ZBTB10: variants seen among roughly 807,000 people sequenced by gnomAD.
ZBTB10 encodes zinc finger and BTB domain containing 10, also known as zinc finger and BTB domain-containing protein 10.
Under a neutral mutation model 76.4 loss-of-function variants are expected in ZBTB10, and 32 were observed. The observed-to-expected ratio is 0.42, with a 90% CI of 0.32 to 0.56. ZBTB10 has a LOEUF of 0.56. ZBTB10 is among the 20% of genes least tolerant of loss of function. The pLI is 0.14. For missense variants in ZBTB10, 1,057 were observed against 1,098.5 expected (o/e 0.96, Z 0.53); for synonymous variants, 523 against 432.9 (o/e 1.21, Z -2.58).
chr8:80,485,948 G>A, upstream of ZBTB10: 1 of 1,484,308 alleles, frequency 6.7e-7, no homozygotes, highest in African/African-American at 1.4e-5. Flanking sequence ...CCTCCGCGTA[G>A]CCCGGCCCCG....
chr8:80,487,052 C>A lies in ZBTB10; in HGVS notation c.242C>A (p.Ala81Asp), dbSNP rs542715037. Residue 81 changes from alanine to aspartate, a missense_variant, in exon 1 of 6, where the codon GCC becomes GAC. Transcript: ENST00000455036. ...GLEPQDLEAS[A>D]GPAAGAAEEA... ...GAGCCCCAAGACCTGGAGGCCTCCG[C>A]CGGGCCGGCCGCCGGCGCCGCCGAG... 94 of 1,516,956 alleles carry A rather than the reference C, an allele frequency of 6.2e-5. No homozygotes were observed. Among genetic ancestry groups the A allele is most frequent in the Non-Finnish European group, 8.0e-5 (91 of 1,139,434 alleles). The allele number at this position is 1,516,956 out of a possible 1,614,324, so 94.0% of individuals were successfully genotyped here.
At chr8:80,491,544 T>C (rs2131473469) in intron 1 of ZBTB10, among the ~76,000 whole-genome samples, 1 of 152,368 alleles carries the variant, frequency 6.6e-6, no homozygotes, top group South Asian at 2.1e-4. Flanking sequence ...CCTTGGTTAT[T>C]GTGGACTGTT....
intron 2 of ZBTB10, among the ~76,000 whole-genome samples, chr8:80,502,262 G>C (rs1443119691): frequency 6.6e-6 from 1 of 152,138 alleles, no homozygotes; most frequent in South Asian, 2.1e-4. Context: ...TTTAAACGGA[G>C]TCTCACTCTG....
In ZBTB10 at chr8:80,500,689, C is replaced by T. The variant is rs563939261; in HGVS notation, c.1861+307C>T. On this transcript the variant is annotated intron_variant, in intron 2 of 5. Coordinates refer to ENST00000455036, the MANE Select transcript of ZBTB10 (RefSeq NM_001105539.3). ...TTTCCTCATTTTTAGCCTCTGTGCT[C>T]ACTATTTTATACCCAGTGTTGGGAA... Among the ~76,000 whole-genome samples, 188 of 152,250 alleles carry T rather than the reference C, an allele frequency of 1.2e-3. 1 individual carries two copies. The highest frequency in any genetic ancestry group is 4.2e-3 in the African/African-American group (174 of 41,552).
chr8:80,504,012 G>A (rs949604355), intron 2 of ZBTB10, among the ~76,000 whole-genome samples: 3 of 152,166 alleles, frequency 2.0e-5, no homozygotes, highest in African/African-American at 4.8e-5. Context: ...GTTTACCAAC[G>A]TTAAGGCCTT....
intron 3 of ZBTB10, among the ~76,000 whole-genome samples, chr8:80,517,932 G>A (rs368831591): frequency 2.9e-5 from 4 of 137,968 alleles, no homozygotes; most frequent in East Asian, 2.2e-4. Context: ...TGGCTGGAGT[G>A]CAGTGGCGCA....
chr8:80,513,296 C>T (rs1292082412), intron 2 of ZBTB10, among the ~76,000 whole-genome samples: 1 of 152,112 alleles, frequency 6.6e-6, no homozygotes, highest in African/African-American at 2.4e-5. Context: ...GTGTGTGCCA[C>T]CACACTTGGT....
At chr8:80,515,732 C>G (rs1221038830) in intron 3 of ZBTB10, among the ~76,000 whole-genome samples, 1 of 152,042 alleles carries the variant, frequency 6.6e-6, no homozygotes, top group Admixed American at 6.6e-5. Flanking sequence ...TGAGATCAGC[C>G]TTTGCTTGAT....
At chr8:80,511,572 T>G (rs1816195122) in intron 2 of ZBTB10, among the ~76,000 whole-genome samples, 1 of 152,230 alleles carries the variant, frequency 6.6e-6, no homozygotes, top group Non-Finnish European at 1.5e-5. Context: ...ACTGGAGCCT[T>G]GGACTCCTGG....
intron 1 of ZBTB10, among the ~76,000 whole-genome samples, chr8:80,488,845 T>C (rs1001775819): frequency 1.3e-5 from 2 of 152,196 alleles, no homozygotes; most frequent in African/African-American, 4.8e-5. Context: ...TAGTATTCTG[T>C]TTATTGGAAT....
intron 3 of ZBTB10, 78 bp from the exon 4 acceptor site, chr8:80,518,325 T>C: frequency 7.5e-7 from 1 of 1,342,234 alleles, no homozygotes; most frequent in Non-Finnish European, 1.0e-6. Flanking sequence ...AGGATATAAA[T>C]ATAATTTCTG....
chr8:80,518,310 C>T, intron 3 of ZBTB10, 93 bp from the exon 4 acceptor site: 1 of 1,190,608 alleles, frequency 8.4e-7, no homozygotes, highest in Non-Finnish European at 1.1e-6. Flanking sequence ...TATCATAATG[C>T]CTGTAGGATA....
At chr8:80,510,260 T>C (rs1816155308) in intron 2 of ZBTB10, among the ~76,000 whole-genome samples, 1 of 152,222 alleles carries the variant, frequency 6.6e-6, no homozygotes. Context: ...ACTTCTGCAC[T>C]CGTGTTCCCA....
intron 2 of ZBTB10, among the ~76,000 whole-genome samples, chr8:80,511,127 G>C (rs77669337): frequency 0.065 from 9,833 of 152,266 alleles, 332 homozygotes; most frequent in African/African-American, 0.093. Context: ...TTTGAGATTT[G>C]TTTTTGATAT....
chr8:80,514,665 C>T (rs1304988070), intron 3 of ZBTB10, among the ~76,000 whole-genome samples: 1 of 152,176 alleles, frequency 6.6e-6, no homozygotes, highest in Non-Finnish European at 1.5e-5. Context: ...CACATGGTCT[C>T]AAATTATTCC....
rs1815891684 is a variant in ZBTB10, at chr8:80,500,374, A to C, written c.1853A>C (p.Glu618Ala). 2 of 1,556,078 alleles carry C rather than the reference A, an allele frequency of 1.3e-6. No individual in the cohort carries two copies. Among genetic ancestry groups the C allele is most frequent in the Admixed American group, 4.0e-5 (2 of 50,552 alleles). ...GAAGAAAATACACTACTCATCAAGG[A>C]AGAACCAGGTAAATATTATCTATAC... is the stretch of plus-strand genomic sequence containing the variant. ...YPEENTLLIK[E>A]EPDLDGALLS... Residue 618 changes from glutamate (E) to alanine (A), a missense_variant, in exon 2 of 6, where the codon GAA becomes GCA. Glu to Ala is a moderately radical substitution (Grantham distance 107, BLOSUM62 -1). This residue lies in a region of ZBTB10 where 306 missense variants were observed against 297.5 expected (regional missense o/e 1.03). Coordinates refer to ENST00000455036, the MANE Select transcript of ZBTB10 (RefSeq NM_001105539.3).
At chr8:80,517,034 A>G (rs1401111646) in intron 3 of ZBTB10, among the ~76,000 whole-genome samples, 2 of 152,150 alleles carry the variant, frequency 1.3e-5, no homozygotes, top group African/African-American at 2.4e-5. Flanking sequence ...AGAGGTCAGT[A>G]TAGTTGGAAT....
chr8:80,486,227 T>C lies in ZBTB10; in HGVS notation c.-584T>C, dbSNP rs1815444092. 5 of 1,044,998 alleles carry C rather than the reference T, an allele frequency of 4.8e-6. No homozygotes were observed. Among genetic ancestry groups the C allele is most frequent in the Non-Finnish European group, 5.7e-6 (5 of 870,020 alleles). 64.7% of individuals were successfully genotyped at this position (1,044,998 alleles called of 1,614,324 possible). On this transcript the variant is annotated 5_prime_UTR_variant, in exon 1 of 6. Transcript: ENST00000455036. ...TTGTGGGCGCACGGTCCGTTGTTCA[T>C]TTGCCATTCGACCTCCGCCAGGGCC...
At position 80,500,241 on chromosome 8, in the gene ZBTB10, A is replaced by G; in HGVS notation, c.1720A>G (p.Thr574Ala). 1 of 1,591,456 alleles carries G rather than the reference A, an allele frequency of 6.3e-7. No individual in the cohort carries two copies. Among genetic ancestry groups the G allele is most frequent in the Non-Finnish European group, 8.6e-7 (1 of 1,168,064 alleles). ...CCAGGGAATTCAAGAGACTGGCAAA[A>G]CAAGGAGGAAAAACCAAACTACAAA... The part of the protein sequence containing the change: ...GSQGIQETGK[T>A]RRKNQTTKRF... The change falls in exon 2 of 6, where the codon ACA becomes GCA. Residue 574 changes from threonine (T) to alanine (A), a missense_variant. By Grantham distance (58) the Thr-to-Ala change is moderately conservative. Coordinates refer to ENST00000455036, the MANE Select transcript of ZBTB10 (RefSeq NM_001105539.3).
Sources: allele counts gnomAD v4.1 joint callset (sites outside exome capture counted in the v4.1 genomes callset), GRCh38; gene constraint gnomAD v4.1.1; regional missense constraint gnomAD v4.1.1; transcripts MANE v1.5; gene names NCBI Gene and HGNC (gene_info 2026-07-23, HGNC 2026-07-21).